FAN1: variants seen among roughly 807,000 people sequenced by gnomAD.
FAN1 encodes the protein fanconi-associated nuclease 1.
In FAN1, 91 loss-of-function variants were observed where a neutral mutation model predicts 104.9. The observed-to-expected ratio is 0.87, with a 90% confidence interval of 0.73 to 1.03. The LOEUF (loss-of-function observed/expected upper bound fraction) is 1.03. Ranked by LOEUF, FAN1 falls within the 50% of genes least tolerant of loss-of-function variation. FAN1 has a pLI of 0.00. For synonymous variants in FAN1, 478 were observed against 457.6 expected (o/e 1.04, Z -0.57); for missense variants, 1,263 against 1,239.9 (o/e 1.02, Z -0.28).
At chr15:30,929,772 T>TATAA (rs2062608560) in intron 12 of FAN1, among the ~76,000 whole-genome samples, 1 of 30,592 alleles carries the variant, frequency 3.3e-5, no homozygotes, top group South Asian at 1.3e-3. Flanking sequence ...ATAAAATATA[T>TATAA]AATATATTAT....
intron 8 of FAN1, among the ~76,000 whole-genome samples, chr15:30,923,991 G>A (rs890314773): frequency 2.6e-5 from 4 of 152,062 alleles, no homozygotes; most frequent in East Asian, 1.9e-4. Context: ...AGGCAACTAC[G>A]CCCCGCTTTC....
In FAN1 at chr15:30,922,348, G is replaced by A. The variant is rs1257843027; in HGVS notation, c.2166G>A (p.Leu722=). The A allele has an allele frequency of 3.1e-6, 5 of 1,608,740 alleles. No individual in the cohort carries two copies. The South Asian group carries it at 4.5e-5, about 14-fold the overall frequency. The change falls in exon 8 of 15, where the codon CTG becomes CTA. Residue 722 remains leucine, a synonymous_variant. Coordinates refer to ENST00000362065, the MANE Select transcript of FAN1 (RefSeq NM_014967.5). ...ALNLHQHLKR[L]EPTIKCITEG... ...ATTTACACCAGCACTTGAAGCGCCTGGAACCGGTACTCAGTAACAAAACAT... is the reference window on the plus strand; with the variant it reads ...ATTTACACCAGCACTTGAAGCGCCTAGAACCGGTACTCAGTAACAAAACAT...
At chr15:30,929,685 T>A (rs1442551906) in intron 12 of FAN1, among the ~76,000 whole-genome samples, 66 of 62,544 alleles carry the variant, frequency 1.1e-3, no homozygotes, top group Non-Finnish European at 1.7e-3. Context: ...TATCATATAA[T>A]ATATATAAAA....
intron 1 of FAN1, 31 bp downstream of exon 1, chr15:30,904,042 A>C (rs990741035): frequency 6.6e-6 from 1 of 152,252 alleles, no homozygotes; most frequent in African/African-American, 2.4e-5. Flanking sequence ...GCCTTGACCC[A>C]GCAGCGTCCG....
At chr15:30,924,796 C>G (rs1158883367) in intron 8 of FAN1, among the ~76,000 whole-genome samples, 2 of 152,116 alleles carry the variant, frequency 1.3e-5, no homozygotes, top group African/African-American at 4.8e-5. Flanking sequence ...AGGTGATGTC[C>G]TGAGAACCAC....
At chr15:30,938,894 C>T (rs1287426149) in intron 14 of FAN1, 1 of 983,990 alleles carries the variant, frequency 1.0e-6, no homozygotes, top group Non-Finnish European at 1.2e-6. Context: ...TTCACCTCTT[C>T]TATCAATCAC....
At position 30,920,556 on chromosome 15, in the gene FAN1, AT is replaced by A; in HGVS notation, c.1958del (p.Leu653TyrfsTer67). ...KNHPSLRCHE[D>X]LPLFLRCFTV... is the part of the protein sequence containing the mutation. ...TGTCTTCATTTTAGATGCCACGAAG[AT>A]TTACCACTCTTCCTGCGGTGTTTCA... On this transcript the variant is annotated frameshift_variant, in exon 7 of 15. Coordinates refer to ENST00000362065, the MANE Select transcript of FAN1 (RefSeq NM_014967.5). LOFTEE classifies it high-confidence loss of function. 6 of 1,610,454 alleles carry A rather than the reference AT, an allele frequency of 3.7e-6. No individual in the cohort carries two copies. The highest frequency in any genetic ancestry group is 5.1e-6 in the Non-Finnish European group (6 of 1,178,062).
chr15:30,929,819 T>TAAAATATATAA (rs1263768371), intron 12 of FAN1, among the ~76,000 whole-genome samples: 1 of 44,382 alleles, frequency 2.3e-5, no homozygotes, highest in African/African-American at 1.6e-4. Context: ...ATATAATATA[T>TAAAATATATAA]TATATCATAT....
At chr15:30,917,645 T>G (rs1244889038) in intron 5 of FAN1, among the ~76,000 whole-genome samples, 2 of 152,246 alleles carry the variant, frequency 1.3e-5, no homozygotes, top group African/African-American at 4.8e-5. Context: ...AAAATTGTCT[T>G]TCTTAAGCTA....
At chr15:30,934,084 T>C (rs1470848012) in intron 13 of FAN1, among the ~76,000 whole-genome samples, 1 of 152,178 alleles carries the variant, frequency 6.6e-6, no homozygotes, top group Admixed American at 6.5e-5. Context: ...TTGCTTCATG[T>C]ATTTTGAAGG....
intron 14 of FAN1, chr15:30,939,764 T>TGTCA (rs553035362): frequency 4.2e-5 from 41 of 985,242 alleles, no homozygotes; most frequent in Middle Eastern, 1.0e-3. Context: ...GTGATTACAC[T>TGTCA]GTCAATGGCA....
intron 8 of FAN1, among the ~76,000 whole-genome samples, chr15:30,923,642 A>G (rs2140932353): frequency 6.6e-6 from 1 of 152,304 alleles, no homozygotes; most frequent in Non-Finnish European, 1.5e-5. Context: ...GCAGAGGTGG[A>G]GCCAGCTGGG....
At chr15:30,917,630 G>A (rs1223958807) in intron 5 of FAN1, among the ~76,000 whole-genome samples, 2 of 152,184 alleles carry the variant, frequency 1.3e-5, no homozygotes, top group Non-Finnish European at 2.9e-5. Context: ...CTAAAGGAGC[G>A]ATGAAAAATT....
intron 12 of FAN1, among the ~76,000 whole-genome samples, 183 bp downstream of exon 12, chr15:30,929,580 T>C (rs1436575927): frequency 7.6e-6 from 1 of 132,036 alleles, no homozygotes; most frequent in Non-Finnish European, 1.6e-5. Context: ...TTATATTTAT[T>C]ATATTATATA....
At chr15:30,935,779 A>G (rs925095516) in intron 13 of FAN1, among the ~76,000 whole-genome samples, 7 of 152,208 alleles carry the variant, frequency 4.6e-5, no homozygotes, top group African/African-American at 1.4e-4. Flanking sequence ...TTATTTTTCA[A>G]TACTTTAAAA....
chr15:30,940,465 G>A, intron 14 of FAN1: 1 of 985,408 alleles, frequency 1.0e-6, no homozygotes, highest in Non-Finnish European at 1.2e-6. Context: ...GGACATCTGT[G>A]CAGGTGCCCA....
chr15:30,905,546 A>G lies in FAN1; in HGVS notation c.883A>G (p.Lys295Glu), dbSNP rs1478804747. 2 of 1,613,950 alleles carry G rather than the reference A, an allele frequency of 1.2e-6. No individual in the cohort carries two copies. The highest frequency in any genetic ancestry group is 3.3e-5 in the Admixed American group (2 of 60,024). Residue 295 changes from lysine (K) to glutamate (E), a missense_variant, in exon 2 of 15, where the codon AAA (lysine) becomes GAA (glutamate). Lys to Glu is a moderately conservative substitution (Grantham distance 56). Around this residue, in one of 2 missense-constraint regions of FAN1, gnomAD observed 682 missense variants for 571.1 expected, o/e 1.19. Coordinates refer to ENST00000362065, the MANE Select transcript of FAN1 (RefSeq NM_014967.5). ...AGAGTGTATCAAAGAAGTGGTTGAA[A>G]AACGTGAGGCATGTCATTGTGAAGA... ...KQECIKEVVE[K>E]REACHCEEVK...
chr15:30,922,157 A>G, intron 7 of FAN1, 78 bp from the exon 8 acceptor site: 3 of 1,532,294 alleles, frequency 2.0e-6, no homozygotes, highest in Admixed American at 2.1e-5. Context: ...GGCTTTACCA[A>G]TCCTATGGGC....
chr15:30,917,038 CT>C, intron 5 of FAN1, among the ~76,000 whole-genome samples: 1 of 152,258 alleles, frequency 6.6e-6, no homozygotes, highest in Non-Finnish European at 1.5e-5. Context: ...CAGGAGACCC[CT>C]GGCTAAGATG....
Sources: gnomAD v4.1 joint callset for allele counts (sites outside exome capture counted in the v4.1 genomes callset) on GRCh38, gnomAD v4.1.1 for gene constraint, gnomAD v4.1.1 regional missense constraint, MANE v1.5 for transcripts, NCBI Gene and HGNC (gene_info 2026-07-23, HGNC 2026-07-21) for gene names.